Variants in STK3 observed in about 807,000 individuals in gnomAD.
STK3 encodes serine/threonine-protein kinase 3.
STK3 carries 41 observed loss-of-function variants against 58.0 expected under a neutral mutation model. That is an observed-to-expected ratio of 0.71 (90% confidence interval 0.55 to 0.92). STK3 has a LOEUF of 0.92. Among genes scored for constraint, STK3 ranks in the 40% least tolerant of loss-of-function variants. The pLI is 0.00. For synonymous variants in STK3, 170 were observed against 191.0 expected, an observed-to-expected ratio of 0.89 and a Z score of 0.91; for missense variants, 479 against 602.7, an observed-to-expected ratio of 0.79 and a Z score of 2.15.
At chr8:98,863,458 T>A (rs1469059254) in intron 3 of STK3, among the ~76,000 whole-genome samples, 1 of 152,136 alleles carries the variant, frequency 6.6e-6, no homozygotes, top group Admixed American at 6.6e-5. Flanking sequence ...CAGTAGCATC[T>A]ACCTCAAAGA....
At chr8:98,825,235 G>T (rs1252287446) in intron 1 of STK3, among the ~76,000 whole-genome samples, 1 of 152,080 alleles carries the variant, frequency 6.6e-6, no homozygotes, top group African/African-American at 2.4e-5. Flanking sequence ...AATTCCTCCC[G>T]CCCCGGGAGG....
chr8:98,366,113 A>C, the STK3 span, among the ~76,000 whole-genome samples: 2 of 152,198 alleles, frequency 1.3e-5, no homozygotes, highest in East Asian at 3.9e-4. Context: ...CTACCTGCTG[A>C]ATTCCTGTTT....
At chr8:98,547,069 T>C (rs961370681) in intron 9 of STK3, among the ~76,000 whole-genome samples, 1 of 152,162 alleles carries the variant, frequency 6.6e-6, no homozygotes, top group African/African-American at 2.4e-5. Flanking sequence ...AGCAAATCAC[T>C]TGAATATTTA....
the STK3 span, among the ~76,000 whole-genome samples, chr8:98,357,390 C>T: frequency 1.3e-5 from 2 of 152,194 alleles, no homozygotes; most frequent in African/African-American, 2.4e-5. Flanking sequence ...ATCCGATTCT[C>T]TTGGGCCAAG....
chr8:98,533,663 T>G (rs72666631), intron 9 of STK3, among the ~76,000 whole-genome samples: 36,637 of 152,038 alleles, frequency 0.24, 5,413 homozygotes, highest in South Asian at 0.37. Context: ...AATTTTTGTT[T>G]ACTTTTTGTA....
intron 10 of STK3, among the ~76,000 whole-genome samples, chr8:98,497,686 C>T (rs550736555): frequency 5.3e-5 from 8 of 152,188 alleles, no homozygotes; most frequent in African/African-American, 1.9e-4. Flanking sequence ...AATAAGCACA[C>T]AAAAAGATGC....
intron 1 of STK3, among the ~76,000 whole-genome samples, chr8:98,775,803 G>C (rs1831637182): frequency 6.6e-6 from 1 of 152,114 alleles, no homozygotes; most frequent in Non-Finnish European, 1.5e-5. Context: ...ACCAAATGAA[G>C]ATCTCAAATG....
rs1435991481 is a variant in STK3 at position 98,454,693 on chromosome 8, CAA to C, written c.*1147_*1148del. 1.3e-5 allele frequency: 2 copies of C among 152,412 alleles called. No homozygotes were observed. Among genetic ancestry groups the C allele is most frequent in the Non-Finnish European group, 1.5e-5 (1 of 67,988 alleles). The allele number at this position is 152,412 out of a possible 1,614,324, so 9.4% of individuals were successfully genotyped here. On this transcript the variant is annotated 3_prime_UTR_variant, in exon 11 of 11. Coordinates refer to ENST00000419617, the MANE Select transcript of STK3 (RefSeq NM_006281.4). ...GATTTACACATAATAATTAAACACA[CAA>C]AAGAAAAAACACTGTCAAGATGGCC...
intron 6 of STK3, among the ~76,000 whole-genome samples, chr8:98,680,981 C>CTTTTTT (rs371666746): frequency 1.6e-5 from 2 of 124,760 alleles, no homozygotes; most frequent in African/African-American, 3.0e-5. Context: ...CCCCACCTTT[C>CTTTTTT]TTTTTTTTTT....
At chr8:98,857,748 C>A (rs1693976732) in intron 3 of STK3, among the ~76,000 whole-genome samples, 1 of 151,924 alleles carries the variant, frequency 6.6e-6, no homozygotes, top group Non-Finnish European at 1.5e-5. Flanking sequence ...ATTTACTAGA[C>A]CAACTACTGG....
chr8:98,890,369 T>A (rs1407735614), intron 1 of STK3, among the ~76,000 whole-genome samples: 1 of 152,266 alleles, frequency 6.6e-6, no homozygotes, highest in Non-Finnish European at 1.5e-5. Flanking sequence ...AGACAGGCAG[T>A]CAAAATGGGA....
At chr8:98,890,262 T>G (rs1423785558) in intron 1 of STK3, among the ~76,000 whole-genome samples, 1 of 152,172 alleles carries the variant, frequency 6.6e-6, no homozygotes, top group Non-Finnish European at 1.5e-5. Context: ...TTCATCCCAA[T>G]TTCTCCACAG....
intron 8 of STK3, among the ~76,000 whole-genome samples, chr8:98,559,561 G>A (rs1811852512): frequency 6.6e-6 from 1 of 152,116 alleles, no homozygotes; most frequent in African/African-American, 2.4e-5. Context: ...TATGCTCATG[G>A]TTTAACTACC....
At chr8:98,619,221 T>C (rs1381720539) in intron 6 of STK3, among the ~76,000 whole-genome samples, 2 of 149,654 alleles carry the variant, frequency 1.3e-5, no homozygotes, top group Admixed American at 6.6e-5. Context: ...GGGAAAGGAT[T>C]CCCTATTTAA....
intron 6 of STK3, among the ~76,000 whole-genome samples, chr8:98,631,412 T>A (rs1052504095): frequency 1.3e-5 from 2 of 152,108 alleles, no homozygotes; most frequent in African/African-American, 4.8e-5. Flanking sequence ...CACTTAAACC[T>A]CCTTACTGTT....
At chr8:98,573,637 C>CT (rs1460520641) in intron 8 of STK3, among the ~76,000 whole-genome samples, 1 of 151,990 alleles carries the variant, frequency 6.6e-6, no homozygotes, top group East Asian at 1.9e-4. Context: ...ACAATCATGC[C>CT]TTTCCAACAG....
At chr8:98,493,786 CA>C (rs1758271020) in intron 10 of STK3, among the ~76,000 whole-genome samples, 1 of 152,096 alleles carries the variant, frequency 6.6e-6, no homozygotes, top group Non-Finnish European at 1.5e-5. Flanking sequence ...CTTATATAAC[CA>C]AAATGAATTC....
chr8:98,706,410 A>G (rs1825963849), intron 6 of STK3, 57 bp downstream of exon 6: 2 of 1,472,984 alleles, frequency 1.4e-6, no homozygotes, highest in South Asian at 2.9e-5. Context: ...CATTGACATT[A>G]CAAAACGGCA....
At chr8:98,510,808 G>A (rs1390191351) in intron 10 of STK3, among the ~76,000 whole-genome samples, 11 of 152,036 alleles carry the variant, frequency 7.2e-5, no homozygotes, top group Middle Eastern at 6.8e-3. Flanking sequence ...AAAGCCTAAC[G>A]GTGACATAAA....
Sources: allele counts gnomAD v4.1 joint callset (sites outside exome capture counted in the v4.1 genomes callset), GRCh38; gene constraint gnomAD v4.1.1; transcripts MANE v1.5; gene names NCBI Gene and HGNC (gene_info 2026-07-23, HGNC 2026-07-21).